DNAH10: variants seen among roughly 807,000 people sequenced by gnomAD.
DNAH10 encodes the protein dynein axonemal heavy chain 10.
In DNAH10, 348 loss-of-function variants were observed where a neutral mutation model predicts 506.6. That is an observed-to-expected ratio of 0.69 (90% CI 0.63 to 0.75). The LOEUF (loss-of-function observed/expected upper bound fraction) is 0.75. Ranked by LOEUF, DNAH10 falls within the 30% of genes least tolerant of loss-of-function variation. DNAH10 has a pLI of 0.00. For missense variants in DNAH10, 5,179 were observed against 5,787.1 expected (o/e 0.89, Z 3.41); for synonymous variants, 2,059 against 2,198.6 (o/e 0.94, Z 1.78).
At chr12:123,827,613 C>T (rs897579396) in intron 25 of DNAH10, among the ~76,000 whole-genome samples, 4 of 152,132 alleles carry the variant, frequency 2.6e-5, no homozygotes, top group Non-Finnish European at 5.9e-5. Context: ...TGCTTCTGCT[C>T]GTGTTCCTCT....
intron 64 of DNAH10, 33 bp from the exon 65 acceptor site, chr12:123,918,643 C>T (rs374433181): frequency 1.1e-5 from 17 of 1,531,228 alleles, no homozygotes; most frequent in East Asian, 2.3e-5. Context: ...TCTCAGTCTT[C>T]CTGTTTCCAG....
At chr12:123,817,287 A>G (rs561001704) in intron 21 of DNAH10, among the ~76,000 whole-genome samples, 1 of 151,936 alleles carries the variant, frequency 6.6e-6, no homozygotes, top group East Asian at 1.9e-4. Flanking sequence ...TGGAAAATTA[A>G]CAGTTTTTGC....
intron 35 of DNAH10, among the ~76,000 whole-genome samples, chr12:123,851,796 C>T (rs1469472199): frequency 1.3e-5 from 2 of 152,194 alleles, no homozygotes; most frequent in Non-Finnish European, 2.9e-5. Context: ...AGAAGAGAGA[C>T]AGGGTCTTAC....
chr12:123,904,745 A>G (rs921503931), intron 57 of DNAH10, among the ~76,000 whole-genome samples: 1 of 152,172 alleles, frequency 6.6e-6, no homozygotes, highest in African/African-American at 2.4e-5. Context: ...TGTGGATAAG[A>G]ATTGTCTCGG....
chr12:123,845,709 C>T lies in DNAH10; in HGVS notation c.5470C>T (p.Gln1824Ter). The T allele has an allele frequency of 6.2e-7, 1 of 1,613,904 alleles. No homozygotes were observed. The highest frequency in any genetic ancestry group is 1.3e-5 in the African/African-American group (1 of 75,014). ...CCACAAAGCGCAAAAAGGGGAGAAG[C>T]AGGCCATGAAGAACTATGGCAGGAA... ...VFHKAQKGEK[Q>*]AMKNYGRKMH... Residue 1824 changes from glutamine (Q) to a stop codon, truncating the protein, a stop_gained, in exon 31 of 79, where the codon CAG becomes TAG. Transcript: ENST00000673944. LOFTEE classifies it high-confidence loss of function.
In DNAH10 at chr12:123,910,574, G is replaced by A. The variant is rs1449301363; in HGVS notation, c.10036G>A (p.Glu3346Lys). ...KTLNTTTEEMEAVSKAGLGML... is the reference protein window; with the variant it reads ...KTLNTTTEEMKAVSKAGLGML... Reference sequence around the variant, plus strand: ...TCTTAATACCACAACTGAAGAAATGGAAGCTGTCAGCAAAGCCGGGCTGGG... The same window carrying A: ...TCTTAATACCACAACTGAAGAAATGAAAGCTGTCAGCAAAGCCGGGCTGGG... Residue 3346 changes from glutamate (E) to lysine (K), a missense_variant, in exon 59 of 79, where the codon GAA (glutamate) becomes AAA (lysine). Glu to Lys is a moderately conservative substitution (Grantham distance 56). Around this residue, in one of 3 missense-constraint regions of DNAH10, gnomAD observed 4,844 missense variants for 5,430.5 expected, o/e 0.89. Transcript: ENST00000673944. 1.3e-5 allele frequency: 21 copies of A among 1,613,662 alleles called. No homozygotes were observed. Among genetic ancestry groups the A allele is most frequent in the Non-Finnish European group, 1.8e-5 (21 of 1,179,864 alleles).
At position 123,769,473 on chromosome 12, in the gene DNAH10, G is replaced by A. The variant is rs976690507; in HGVS notation, c.298+1784G>A. Among the ~76,000 whole-genome samples the A allele has an allele frequency of 5.1e-4, 77 of 152,070 alleles. 1 individual carries two copies. The highest frequency in any genetic ancestry group is 1.8e-3 in the African/African-American group (73 of 41,378). ...ATTACAGGCGTGAGCCACCACGCCC[G>A]GCCTAAAGTGGGTTTTGATAAGGCA... is the stretch of plus-strand genomic sequence containing the variant. On this transcript the variant is annotated intron_variant, in intron 2 of 78. Coordinates refer to ENST00000673944, the MANE Select transcript of DNAH10 (RefSeq NM_001372106.1).
At chr12:123,828,989 G>A (rs1960259904) in intron 25 of DNAH10, among the ~76,000 whole-genome samples, 2 of 152,188 alleles carry the variant, frequency 1.3e-5, no homozygotes, top group South Asian at 4.1e-4. Context: ...CCACCACCAG[G>A]GTTATGTCAC....
At chr12:123,866,210 T>G in intron 41 of DNAH10, 137 bp downstream of exon 41, 1 of 277,192 alleles carries the variant, frequency 3.6e-6, no homozygotes, top group Non-Finnish European at 6.3e-6. Flanking sequence ...ACAAAATAAG[T>G]GAAAACATGG....
At chr12:123,833,716 T>TA (rs1565965127) in intron 27 of DNAH10, among the ~76,000 whole-genome samples, 1 of 152,180 alleles carries the variant, frequency 6.6e-6, no homozygotes, top group East Asian at 1.9e-4. Context: ...CTACACTTTT[T>TA]AAAAAAATGT....
At chr12:123,880,148 G>T (rs546623137) in intron 50 of DNAH10, among the ~76,000 whole-genome samples, 3 of 152,062 alleles carry the variant, frequency 2.0e-5, no homozygotes, top group Non-Finnish European at 4.4e-5. Context: ...GCTTTGGGTC[G>T]CTGCTGGCCA....
At chr12:123,771,549 AG>A in intron 2 of DNAH10, 51 bp from the exon 3 acceptor site, 1 of 1,510,162 alleles carries the variant, frequency 6.6e-7, no homozygotes, top group Non-Finnish European at 9.1e-7. Context: ...TCTTGATGGT[AG>A]GAAACCTAAT....
intron 1 of DNAH10, among the ~76,000 whole-genome samples, chr12:123,766,185 A>G (rs1423412403): frequency 1.3e-5 from 2 of 151,796 alleles, no homozygotes; most frequent in African/African-American, 2.4e-5. Flanking sequence ...CTATACATCT[A>G]TCTATCTATG....
chr12:123,932,186 C>T, intron 76 of DNAH10, 78 bp downstream of exon 76: 1 of 1,550,098 alleles, frequency 6.5e-7, no homozygotes, highest in East Asian at 2.3e-5. Context: ...CCAATCCCCT[C>T]TTTCCATTGC....
chr12:123,877,738 G>A lies in DNAH10; in HGVS notation c.8202G>A (p.Thr2734=), dbSNP rs1207636369. ...GGGGGTGTCTTTGCATTTTTCAGAC[G>A]TTTCATGAGAGCATTGTGGCTGTGA... is the stretch of plus-strand genomic sequence containing the variant. ...YSSILKGHTS[T]FHESIVAVSG... Residue 2734 remains threonine (T), a splice_region_variant and synonymous_variant, in exon 48 of 79, where the codon ACG becomes ACA. Coordinates refer to ENST00000673944, the MANE Select transcript of DNAH10 (RefSeq NM_001372106.1). The A allele has an allele frequency of 6.2e-6, 10 of 1,609,674 alleles. No individual in the cohort carries two copies. Among genetic ancestry groups the A allele is most frequent in the Admixed American group, 1.7e-5 (1 of 59,170 alleles).
chr12:123,773,015 T>C (rs1015622246), intron 4 of DNAH10, 73 bp downstream of exon 4: 30 of 1,024,238 alleles, frequency 2.9e-5, no homozygotes, highest in Non-Finnish European at 4.4e-5. Flanking sequence ...TCACTCTCAT[T>C]CTGTTGTCTT....
chr12:123,771,020 G>C (rs1957234726), intron 2 of DNAH10, among the ~76,000 whole-genome samples: 2 of 142,498 alleles, frequency 1.4e-5, no homozygotes, highest in South Asian at 2.2e-4. Flanking sequence ...TGCCACCCAG[G>C]CTGCAGTGGC....
chr12:123,928,545 C>T lies in DNAH10; in HGVS notation c.12264C>T (p.Pro4088=). Residue 4088 remains proline, a synonymous_variant, in exon 70 of 79, where the codon CCC becomes CCT. Transcript: ENST00000673944. This position sits in a 1 kb window ranked among gnomAD's most constrained non-coding sequence, Gnocchi z 4.9. ...TCCGCCTGTGGCTCACCACGGACCCCACCAAGGGCTTCCCCATTGGGATTC... is the reference window on the plus strand; with the variant it reads ...TCCGCCTGTGGCTCACCACGGACCCTACCAAGGGCTTCCCCATTGGGATTC... ...PDFRLWLTTD[P]TKGFPIGILQ... is the part of the protein sequence containing the mutation. The T allele has an allele frequency of 6.2e-7, 1 of 1,610,126 alleles. No individual in the cohort carries two copies. The highest frequency in any genetic ancestry group is 8.5e-7 in the Non-Finnish European group (1 of 1,178,322).
chr12:123,912,841 C>T (rs1954290199), intron 59 of DNAH10, among the ~76,000 whole-genome samples: 1 of 152,224 alleles, frequency 6.6e-6, no homozygotes, highest in African/African-American at 2.4e-5. Context: ...ACAGTGTCAT[C>T]TTACGGAGAC....
Sources: gnomAD v4.1 joint callset for allele counts (sites outside exome capture counted in the v4.1 genomes callset) on GRCh38, gnomAD v4.1.1 for gene constraint, gnomAD v4.1.1 regional missense constraint, Gnocchi (gnomAD v3.1) non-coding constraint, MANE v1.5 for transcripts, NCBI Gene and HGNC (gene_info 2026-07-23, HGNC 2026-07-21) for gene names.